The following PCDHGA1 variants were observed in gnomAD, a reference collection of about 807,000 sequenced individuals.
PCDHGA1 encodes protocadherin gamma-A1.
A neutral mutation model predicts 58.0 loss-of-function variants in PCDHGA1; 32 were observed. The ratio of observed to expected loss-of-function variants is 0.55; its 90% CI spans 0.42 to 0.74. The LOEUF is 0.74. Among genes scored for constraint, PCDHGA1 ranks in the 30% least tolerant of loss-of-function variants. The pLI, the probability that PCDHGA1 is intolerant of heterozygous loss-of-function variation, is 0.00. For synonymous variants in PCDHGA1, 498 were observed against 501.1 expected, an observed-to-expected ratio of 0.99 and a Z score of 0.08; for missense variants, 1,205 against 1,182.3, an observed-to-expected ratio of 1.02 and a Z score of -0.28.
At chr5:141,392,676 C>T in intron 1 of PCDHGA1, 1 of 917,280 alleles carries the variant, frequency 1.1e-6, no homozygotes, top group East Asian at 2.7e-5. Context: ...AACTGCTGGA[C>T]TGCAGCGAAA....
intron 1 of PCDHGA1, chr5:141,371,250 A>G: frequency 6.2e-7 from 1 of 1,614,054 alleles, no homozygotes; most frequent in Non-Finnish European, 8.5e-7. Context: ...CAATATTGGC[A>G]AGGAAGTGAG....
rs201378410 is a variant in PCDHGA1, at chr5:141,414,802, G to T, written c.2422-80005G>T. Reference sequence around the variant, plus strand: ...GCAGGTGACAGCCAGCGACAGCGGGGATCCTCCACTCAGCAGCAACGTGTC... The same window carrying T: ...GCAGGTGACAGCCAGCGACAGCGGGTATCCTCCACTCAGCAGCAACGTGTC... On this transcript the variant is annotated intron_variant, in intron 1 of 3. Coordinates refer to ENST00000517417, the MANE Select transcript of PCDHGA1 (RefSeq NM_018912.3). The T allele has an allele frequency of 4.3e-6, 7 of 1,614,226 alleles. No homozygotes were observed. The African/African-American group carries it at 8.0e-5, about 18-fold the overall frequency.
rs376890554 is a variant in PCDHGA1 at position 141,408,250 on chromosome 5, G to A, written c.2421+75145G>A. 3.6e-4 allele frequency: 569 copies of A among 1,595,986 alleles called. 5 individuals are homozygous for A. The highest frequency in any genetic ancestry group is 1.7e-3 in the South Asian group (151 of 89,354). On this transcript the variant is annotated intron_variant, in intron 1 of 3. Coordinates refer to ENST00000517417, the MANE Select transcript of PCDHGA1 (RefSeq NM_018912.3). ...GGCGCCGGGCCGGCCCGCGGCAGGT[G>A]CTATTTCCTTTGCTGCTGCCTTTGT... is the stretch of plus-strand genomic sequence containing the variant.
At chr5:141,350,546 A>G in intron 1 of PCDHGA1, 2 of 1,614,024 alleles carry the variant, frequency 1.2e-6, no homozygotes, top group Non-Finnish European at 1.7e-6. Context: ...TTGCGGAAGG[A>G]AACTTGAGTG....
intron 1 of PCDHGA1, chr5:141,410,295 T>G (rs1043971768): frequency 9.3e-6 from 15 of 1,613,864 alleles, no homozygotes; most frequent in Non-Finnish European, 1.3e-5. Context: ...GCCTTGGCCT[T>G]AATCTCAGTG....
chr5:141,414,334 A>G, intron 1 of PCDHGA1: 6 of 1,613,782 alleles, frequency 3.7e-6, no homozygotes, highest in Non-Finnish European at 5.1e-6. Flanking sequence ...TGGACAGGTA[A>G]CCTGTTCCAT....
chr5:141,349,641 T>A lies in PCDHGA1; in HGVS notation c.2421+16536T>A, dbSNP rs568995051. ...AATTGATAACATATATATGGAGAGA[T>A]TTAAAATACTAGATAAGGGAGCTTA... On this transcript the variant is annotated intron_variant, in intron 1 of 3. Coordinates refer to ENST00000517417, the MANE Select transcript of PCDHGA1 (RefSeq NM_018912.3). Among the ~76,000 whole-genome samples the A allele has an allele frequency of 1.2e-3, 182 of 152,228 alleles. 1 individual carries two copies. The highest frequency in any genetic ancestry group is 4.2e-3 in the African/African-American group (173 of 41,548).
intron 1 of PCDHGA1, chr5:141,412,489 T>C (rs1292155082): frequency 6.6e-6 from 1 of 152,176 alleles, no homozygotes; most frequent in East Asian, 1.9e-4. Context: ...TCTTACACAA[T>C]CCTAAGCTAA....
rs1488305057 is a variant in PCDHGA1, at chr5:141,477,736, C to A, written c.2422-17071C>A. ...AATTTGAATTAACAGCTCATATCAG[C>A]GATGGGGGCACCCCGGTCCTAGCCA... On this transcript the variant is annotated intron_variant, in intron 1 of 3. Transcript: ENST00000517417. This position sits in a 1 kb window ranked among gnomAD's most constrained non-coding sequence, Gnocchi z 4.9. The A allele has an allele frequency of 6.2e-7, 1 of 1,613,790 alleles. No homozygotes were observed. Among genetic ancestry groups the A allele is most frequent in the Non-Finnish European group, 8.5e-7 (1 of 1,180,024 alleles).
At chr5:141,383,748 A>T in intron 1 of PCDHGA1, 1 of 1,613,970 alleles carries the variant, frequency 6.2e-7, no homozygotes, top group Non-Finnish European at 8.5e-7. Context: ...CTTTTCGGAA[A>T]ATAACTCCTA....
chr5:141,344,026 A>T, intron 1 of PCDHGA1: 1 of 1,529,842 alleles, frequency 6.5e-7, no homozygotes, highest in Non-Finnish European at 8.8e-7. Context: ...CGATTCACCG[A>T]AAAGGAAATG....
chr5:141,491,441 A>G lies in PCDHGA1; in HGVS notation c.2422-3366A>G, dbSNP rs776616506. 1.2e-6 allele frequency: 2 copies of G among 1,614,146 alleles called. No homozygotes were observed. The highest frequency in any genetic ancestry group is 1.7e-6 in the Non-Finnish European group (2 of 1,180,032). ...GGTGGAGGGCAGTGCTGCAGGCGCCAGGACTCACCCTCCCCGGACTTCTAT... is the reference window on the plus strand; with the variant it reads ...GGTGGAGGGCAGTGCTGCAGGCGCCGGGACTCACCCTCCCCGGACTTCTAT... On this transcript the variant is annotated intron_variant, in intron 1 of 3. Coordinates refer to ENST00000517417, the MANE Select transcript of PCDHGA1 (RefSeq NM_018912.3). The surrounding 1 kb of genome is among the most constrained non-coding windows in gnomAD (Gnocchi z 6.9).
rs751318430 is a variant in PCDHGA1 at position 141,485,603 on chromosome 5, G to A, written c.2422-9204G>A. 1 of 1,612,482 alleles carries A rather than the reference G, an allele frequency of 6.2e-7. No homozygotes were observed. The stretch of plus-strand genomic sequence containing the variant: ...GCAGCAGCTGGACTTGGAAATTGGG[G>A]AGGCAGCTCCTCCAGGACAGCGTTT... On this transcript the variant is annotated intron_variant, in intron 1 of 3. Coordinates refer to ENST00000517417, the MANE Select transcript of PCDHGA1 (RefSeq NM_018912.3). This position sits in a 1 kb window ranked among gnomAD's most constrained non-coding sequence, Gnocchi z 5.7.
chr5:141,410,086 G>A (rs759204005), intron 1 of PCDHGA1: 3 of 1,612,588 alleles, frequency 1.9e-6, no homozygotes, highest in Non-Finnish European at 2.5e-6. Flanking sequence ...AGGTGCGCAC[G>A]GCTCGAGCCT....
intron 1 of PCDHGA1, among the ~76,000 whole-genome samples, chr5:141,453,993 A>T (rs2098779172): frequency 6.6e-6 from 1 of 152,234 alleles, no homozygotes; most frequent in African/African-American, 2.4e-5. Flanking sequence ...CCAGTGATAA[A>T]CCCACATAAC....
rs1172339748 is a variant in PCDHGA1 at position 141,334,955 on chromosome 5, T to C, written c.2421+1850T>C. On this transcript the variant is annotated intron_variant, in intron 1 of 3. Transcript: ENST00000517417. This position sits in a 1 kb window ranked among gnomAD's most constrained non-coding sequence, Gnocchi z 4.6. ...AGAGCTCTTCCACTAAAAATAAATA[T>C]ACAAACCAAAATTTCAAAACACACT... Among the ~76,000 whole-genome samples, 2 of 152,166 alleles carry C rather than the reference T, an allele frequency of 1.3e-5. No individual in the cohort carries two copies. Among genetic ancestry groups the C allele is most frequent in the Non-Finnish European group, 2.9e-5 (2 of 68,020 alleles).
At position 141,492,010 on chromosome 5, in the gene PCDHGA1, G is replaced by A. The variant is rs2099736138; in HGVS notation, c.2422-2797G>A. 2 of 617,370 alleles carry A rather than the reference G, an allele frequency of 3.2e-6. 1 individual carries two copies. Among genetic ancestry groups the A allele is most frequent in the Middle Eastern group, 8.7e-4 (2 of 2,312 alleles). The allele number at this position is 617,370 out of a possible 1,614,324, so 38.2% of individuals were successfully genotyped here. On this transcript the variant is annotated intron_variant, in intron 1 of 3. Transcript: ENST00000517417. Reference sequence around the variant, plus strand: ...GGTGAATTTCGGGCGATTTCCGCGGGTGTCGGGGGTCCCGGGAGGAGGCAG... The same window carrying A: ...GGTGAATTTCGGGCGATTTCCGCGGATGTCGGGGGTCCCGGGAGGAGGCAG...
At chr5:141,418,726 G>C (rs1399333996) in intron 1 of PCDHGA1, 1 of 1,613,986 alleles carries the variant, frequency 6.2e-7, no homozygotes, top group Non-Finnish European at 8.5e-7. Flanking sequence ...ACAAAGCTCA[G>C]CACGTGTTCT....
chr5:141,487,392 G>A lies in PCDHGA1; in HGVS notation c.2422-7415G>A, dbSNP rs773126086. 2 of 1,614,176 alleles carry A rather than the reference G, an allele frequency of 1.2e-6. No individual in the cohort carries two copies. Among genetic ancestry groups the A allele is most frequent in the Non-Finnish European group, 1.7e-6 (2 of 1,180,024 alleles). On this transcript the variant is annotated intron_variant, in intron 1 of 3. Transcript: ENST00000517417. This position sits in a 1 kb window ranked among gnomAD's most constrained non-coding sequence, Gnocchi z 5.0. ...GCCTGTCTCACCAGATCTCGAAGGA[G>A]GGAGGGGCTTCCCCCTTCCAATGGG...
Sources: gnomAD v4.1 joint callset for allele counts (sites outside exome capture counted in the v4.1 genomes callset) on GRCh38, gnomAD v4.1.1 for gene constraint, Gnocchi (gnomAD v3.1) non-coding constraint, MANE v1.5 for transcripts, NCBI Gene and HGNC (gene_info 2026-07-23, HGNC 2026-07-21) for gene names.